The following PTPRZ1 variants were observed in gnomAD, a reference collection of about 807,000 sequenced individuals.
The protein encoded by PTPRZ1 is receptor-type tyrosine-protein phosphatase zeta.
In PTPRZ1, 82 loss-of-function variants were observed where a neutral mutation model predicts 214.1. The observed-to-expected ratio is 0.38, with a 90% CI of 0.32 to 0.46. PTPRZ1 has a LOEUF of 0.46. PTPRZ1 is among the 20% of genes least tolerant of loss of function. The pLI, the probability that PTPRZ1 is intolerant of heterozygous loss-of-function variation, is 1.00. For synonymous variants in PTPRZ1, 945 were observed against 987.9 expected (o/e 0.96, Z 0.81); for missense variants, 2,603 against 2,748.7 (o/e 0.95, Z 1.19).
At chr7:122,032,549 C>T (rs1799413813) in intron 15 of PTPRZ1, among the ~76,000 whole-genome samples, 1 of 152,112 alleles carries the variant, frequency 6.6e-6, no homozygotes, top group Non-Finnish European at 1.5e-5. Context: ...CTCTGCGGAC[C>T]TCCCTCTTTG....
Position 122,018,993 on chromosome 7 carries a change from A to G in PTPRZ1, c.4844-131A>G, listed in dbSNP as rs901129163. ...ATTAAATTGGCTTATAATTGTAGAC[A>G]TTCTTTGCATCAAAGAGTCAAAATT... is the stretch of plus-strand genomic sequence containing the variant. On this transcript the variant is annotated intron_variant, in intron 12 of 29. Coordinates refer to ENST00000393386, the MANE Select transcript of PTPRZ1 (RefSeq NM_002851.3). 8.5e-6 allele frequency: 7 copies of G among 822,568 alleles called. No individual in the cohort carries two copies. In the Admixed American group the frequency reaches 9.6e-5, roughly 11 times the overall value. The allele number at this position is 822,568 out of a possible 1,614,324, so 51.0% of individuals were successfully genotyped here. A position where few individuals can be genotyped will look rare whatever the true frequency, so the allele number is the denominator to read the frequency against.
chr7:122,032,320 A>G (rs562136495), intron 15 of PTPRZ1, among the ~76,000 whole-genome samples: 19 of 152,334 alleles, frequency 1.2e-4, no homozygotes, highest in South Asian at 2.1e-4. Context: ...ACTTGTTATT[A>G]TTTCTATTCA....
intron 1 of PTPRZ1, among the ~76,000 whole-genome samples, chr7:121,926,734 C>T (rs898648415): frequency 2.0e-5 from 3 of 152,034 alleles, no homozygotes; most frequent in African/African-American, 7.3e-5. Context: ...GGAATGATTA[C>T]AAAACTTCGT....
rs1478309985 is a variant in PTPRZ1 at position 122,011,690 on chromosome 7, A to G, written c.2644A>G (p.Thr882Ala). The G allele has an allele frequency of 1.9e-6, 3 of 1,613,964 alleles. No individual in the cohort carries two copies. The highest frequency in any genetic ancestry group is 1.3e-5 in the African/African-American group (1 of 74,890). The change falls in exon 12 of 30, where the codon ACT becomes GCT. Residue 882 changes from threonine (T) to alanine (A), a missense_variant. Thr to Ala is a moderately conservative substitution (Grantham distance 58). Transcript: ENST00000393386. ...TGCTCAGTATTCTGATGTGCTGTCCACTACTCATGCTGCTTCAGAGACGCT... is the reference window on the plus strand; with the variant it reads ...TGCTCAGTATTCTGATGTGCTGTCCGCTACTCATGCTGCTTCAGAGACGCT... ...SLAQYSDVLSTTHAASETLEF... is the reference protein window; with the variant it reads ...SLAQYSDVLSATHAASETLEF...
rs1010124718 is a variant in PTPRZ1 at position 121,873,432 on chromosome 7, G to C, written c.-68G>C. On this transcript the variant is annotated 5_prime_UTR_variant, in exon 1 of 30. Transcript: ENST00000393386. ...AACAAACAAAAAAAACATTTCCTTC[G>C]CTCCCCCTCCCTCTCCACTCTGAGA... 2.0e-6 allele frequency: 3 copies of C among 1,522,284 alleles called. No individual in the cohort carries two copies. Among genetic ancestry groups the C allele is most frequent in the Non-Finnish European group, 1.8e-6 (2 of 1,107,074 alleles). The allele number at this position is 1,522,284 out of a possible 1,614,324, so 94.3% of individuals were successfully genotyped here. A position where few individuals can be genotyped will look rare whatever the true frequency, so the allele number is the denominator to read the frequency against.
At chr7:122,045,991 G>A (rs1222064717) in intron 23 of PTPRZ1, among the ~76,000 whole-genome samples, 3 of 152,144 alleles carry the variant, frequency 2.0e-5, no homozygotes. Flanking sequence ...TTGAATATCT[G>A]TGTATTCAGC....
At chr7:121,983,874 AT>A (rs1055956275) in intron 7 of PTPRZ1, 52 bp downstream of exon 7, 1 of 1,594,524 alleles carries the variant, frequency 6.3e-7, no homozygotes, top group African/African-American at 1.3e-5. Flanking sequence ...TTTAAAAAAC[AT>A]TATGTTCTAA....
chr7:121,890,339 C>T (rs1195463157), intron 1 of PTPRZ1, among the ~76,000 whole-genome samples: 2 of 152,146 alleles, frequency 1.3e-5, no homozygotes, highest in Non-Finnish European at 2.9e-5. Context: ...ACTTTTAATT[C>T]TTCCATCTCT....
chr7:122,019,251 T>C lies in PTPRZ1; in HGVS notation c.4971T>C (p.Gly1657=). The change falls in exon 13 of 30, where the codon GGT becomes GGC. Residue 1657 remains glycine, a synonymous_variant. Coordinates refer to ENST00000393386, the MANE Select transcript of PTPRZ1 (RefSeq NM_002851.3). ...LTFICLVVLV[G]ILIYWRKCFQ... ...TTATCTGTCTAGTGGTTCTTGTGGG[T>C]ATTCTCATCTACTGGAGGTAAGTTG... The C allele has an allele frequency of 6.2e-7, 1 of 1,612,074 alleles. No homozygotes were observed. The highest frequency in any genetic ancestry group is 8.5e-7 in the Non-Finnish European group (1 of 1,178,700).
rs532421767 is a variant in PTPRZ1 at position 122,012,227 on chromosome 7, G to A, written c.3181G>A (p.Glu1061Lys). 22 of 1,613,728 alleles carry A rather than the reference G, an allele frequency of 1.4e-5. No individual in the cohort carries two copies. The highest frequency in any genetic ancestry group is 1.3e-4 in the African/African-American group (10 of 74,906). The change falls in exon 12 of 30, where the codon GAG (glutamate) becomes AAG (lysine). Residue 1061 changes from glutamate to lysine, a missense_variant. By Grantham distance (56) the Glu-to-Lys change is moderately conservative. Coordinates refer to ENST00000393386, the MANE Select transcript of PTPRZ1 (RefSeq NM_002851.3). ...ETELQIPSFN[E>K]MVYPSESTVM... ...TGAACTGCAAATTCCTTCTTTCAAT[G>A]AGATGGTTTACCCTTCTGAAAGCAC...
chr7:121,992,787 G>T (rs899063091), intron 8 of PTPRZ1, among the ~76,000 whole-genome samples: 1 of 152,186 alleles, frequency 6.6e-6, no homozygotes, highest in African/African-American at 2.4e-5. Flanking sequence ...GCAGATGAGA[G>T]TGGAATGCCA....
Position 121,873,475 on chromosome 7 carries a change from G to T in PTPRZ1, c.-25G>T. The T allele has an allele frequency of 6.2e-7, 1 of 1,613,320 alleles. No homozygotes were observed. The highest frequency in any genetic ancestry group is 8.5e-7 in the Non-Finnish European group (1 of 1,179,934). On this transcript the variant is annotated 5_prime_UTR_variant, in exon 1 of 30. Coordinates refer to ENST00000393386, the MANE Select transcript of PTPRZ1 (RefSeq NM_002851.3). ...CTCTGAGAAGCAGAGGAGCCGCACG[G>T]CGAGGGGCCGCAGACCGTCTGGAAA...
At chr7:121,996,910 A>G (rs533557122) in intron 9 of PTPRZ1, among the ~76,000 whole-genome samples, 1 of 152,238 alleles carries the variant, frequency 6.6e-6, no homozygotes, top group African/African-American at 2.4e-5. Flanking sequence ...TACATTTTAT[A>G]TTGTGTCTTC....
At chr7:122,049,264 A>G (rs1487659545) in intron 23 of PTPRZ1, among the ~76,000 whole-genome samples, 1 of 152,084 alleles carries the variant, frequency 6.6e-6, no homozygotes, top group African/African-American at 2.4e-5. Context: ...GGAAATGCTC[A>G]TAGTAGATTC....
intron 1 of PTPRZ1, among the ~76,000 whole-genome samples, chr7:121,882,495 C>T (rs1280943953): frequency 6.6e-6 from 1 of 152,024 alleles, no homozygotes; most frequent in East Asian, 1.9e-4. Flanking sequence ...AAAGTGAGAA[C>T]GTGGTAATTG....
intron 27 of PTPRZ1, among the ~76,000 whole-genome samples, chr7:122,056,614 T>A (rs929497581): frequency 1.3e-5 from 2 of 151,836 alleles, no homozygotes; most frequent in Non-Finnish European, 2.9e-5. Context: ...ATGAGGACTA[T>A]TTTTAAGAAT....
intron 2 of PTPRZ1, among the ~76,000 whole-genome samples, chr7:121,965,871 A>G (rs1352019057): frequency 2.0e-5 from 3 of 152,228 alleles, no homozygotes; most frequent in African/African-American, 2.4e-5. Context: ...GTGTATATCA[A>G]TATCCTAGGC....
At chr7:121,989,690 T>C (rs1430295603) in intron 8 of PTPRZ1, among the ~76,000 whole-genome samples, 3 of 152,216 alleles carry the variant, frequency 2.0e-5, no homozygotes, top group Non-Finnish European at 4.4e-5. Context: ...TTTTTCTTAA[T>C]GGATATACTA....
At chr7:121,949,501 T>A (rs1298920340) in intron 2 of PTPRZ1, among the ~76,000 whole-genome samples, 1 of 152,244 alleles carries the variant, frequency 6.6e-6, no homozygotes, top group Admixed American at 6.5e-5. Flanking sequence ...CAAAATACTG[T>A]GCCCAACTCT....
Sources: gnomAD v4.1 joint callset for allele counts (sites outside exome capture counted in the v4.1 genomes callset) on GRCh38, gnomAD v4.1.1 for gene constraint, MANE v1.5 for transcripts, NCBI Gene and HGNC (gene_info 2026-07-23, HGNC 2026-07-21) for gene names.